NYAP2: variants seen among roughly 807,000 people sequenced by gnomAD.
NYAP2 encodes the protein neuronal tyrosine-phosphorylated phosphoinositide-3-kinase adaptor 2.
In NYAP2, 23 loss-of-function variants were observed where a neutral mutation model predicts 50.4. The observed-to-expected ratio is 0.46, with a 90% CI of 0.33 to 0.65. The LOEUF (loss-of-function observed/expected upper bound fraction) is 0.65, where lower values mean the gene tolerates loss of function less well. Ranked by LOEUF, NYAP2 falls within the 30% of genes least tolerant of loss-of-function variation. The pLI, the probability that NYAP2 is intolerant of heterozygous loss-of-function variation, is 0.02. For synonymous variants in NYAP2, 394 were observed against 365.2 expected (o/e 1.08, Z -0.90); for missense variants, 885 against 861.0 (o/e 1.03, Z -0.35).
chr2:225,661,660 A>G, the NYAP2 span, among the ~76,000 whole-genome samples: 3,392 of 152,002 alleles, frequency 0.022, 140 homozygotes, highest in African/African-American at 0.077. Flanking sequence ...AGGTAGTTCT[A>G]TCTATCAAAC....
chr2:225,401,294 A>G (rs1694857733), intron 2 of NYAP2, among the ~76,000 whole-genome samples: 2 of 152,098 alleles, frequency 1.3e-5, no homozygotes, highest in South Asian at 2.1e-4. Flanking sequence ...CTAGATTTTC[A>G]TTAGTAAAAT....
At chr2:225,695,329 G>A in the NYAP2 span, among the ~76,000 whole-genome samples, 3 of 151,788 alleles carry the variant, frequency 2.0e-5, no homozygotes, top group African/African-American at 7.2e-5. Context: ...CTTAATGTTT[G>A]TGTAGACAAC....
At chr2:225,441,947 CG>C (rs1442757653) in intron 3 of NYAP2, among the ~76,000 whole-genome samples, 1 of 152,172 alleles carries the variant, frequency 6.6e-6, no homozygotes, top group Non-Finnish European at 1.5e-5. Context: ...AGTAAACAGT[CG>C]TCACTCCATA....
exon 4 of NYAP2, chr2:225,513,600 C>A: frequency 6.3e-7 from 1 of 1,578,566 alleles, no homozygotes; most frequent in Non-Finnish European, 8.6e-7. Flanking sequence ...CAGCACCAAG[C>A]TGAGCACCTC....
chr2:225,613,903 G>A (rs1039746921), intron 5 of NYAP2, among the ~76,000 whole-genome samples: 5 of 152,072 alleles, frequency 3.3e-5, no homozygotes, highest in Non-Finnish European at 7.4e-5. Context: ...TAAAAAGAAC[G>A]TAGACACTCT....
At chr2:225,626,766 T>C (rs1693216532) in intron 5 of NYAP2, 151 bp from the exon 6 acceptor site, 2 of 639,308 alleles carry the variant, frequency 3.1e-6, no homozygotes, top group East Asian at 2.7e-5. Context: ...CTGGAGTCTA[T>C]GTTTCTGTTA....
intron 5 of NYAP2, among the ~76,000 whole-genome samples, chr2:225,597,015 A>G (rs1692611423): frequency 6.6e-6 from 1 of 152,194 alleles, no homozygotes. Flanking sequence ...AGCTTAAAAA[A>G]CAACCTCCTT....
chr2:225,651,471 C>T lies in NYAP2; in HGVS notation c.1868C>T (p.Thr623Met), dbSNP rs568027472. ...TGCAAATTAGGCCGGTCTGCGTCGA[C>T]GTCAGGTGTGCCTCCTCCATCAGTC... Residue 623 changes from threonine to methionine, a missense_variant, in exon 7 of 7, where the codon ACG becomes ATG. Thr to Met is a moderately conservative substitution (Grantham distance 81, BLOSUM62 -1). Coordinates refer to ENST00000636099, the Ensembl canonical transcript of NYAP2. 35 of 1,613,992 alleles carry T rather than the reference C, an allele frequency of 2.2e-5. No individual in the cohort carries two copies. The highest frequency in any genetic ancestry group is 4.0e-5 in the African/African-American group (3 of 75,048).
the NYAP2 span, among the ~76,000 whole-genome samples, chr2:225,684,110 G>A: frequency 6.6e-6 from 1 of 152,168 alleles, no homozygotes; most frequent in Non-Finnish European, 1.5e-5. Flanking sequence ...CAGATTAAAA[G>A]GAGATTTTAT....
chr2:225,537,874 G>C (rs1422706862), intron 4 of NYAP2, among the ~76,000 whole-genome samples: 1 of 152,120 alleles, frequency 6.6e-6, no homozygotes, highest in African/African-American at 2.4e-5. Flanking sequence ...GATACAATGG[G>C]GATACAGGCA....
intron 5 of NYAP2, among the ~76,000 whole-genome samples, chr2:225,598,286 GAT>G (rs1692639686): frequency 1.3e-5 from 2 of 152,048 alleles, no homozygotes; most frequent in Admixed American, 6.6e-5. Context: ...CTGGGTTGTT[GAT>G]ATATTTTTCA....
chr2:225,689,388 A>G, the NYAP2 span, among the ~76,000 whole-genome samples: 258 of 152,328 alleles, frequency 1.7e-3, no homozygotes, highest in African/African-American at 6.0e-3. Flanking sequence ...ATACATAAAA[A>G]TAAATAGTAT....
chr2:225,467,793 A>T (rs1689944858), intron 3 of NYAP2, among the ~76,000 whole-genome samples: 1 of 152,236 alleles, frequency 6.6e-6, no homozygotes, highest in African/African-American at 2.4e-5. Context: ...CACCACACTT[A>T]CAAAAATAAC....
the NYAP2 span, among the ~76,000 whole-genome samples, chr2:225,674,352 G>A: frequency 6.6e-6 from 1 of 152,066 alleles, no homozygotes; most frequent in African/African-American, 2.4e-5. Flanking sequence ...CAAAATAGCT[G>A]AGGGTTTATT....
intron 2 of NYAP2, among the ~76,000 whole-genome samples, chr2:225,405,742 C>T (rs1032449542): frequency 1.3e-5 from 2 of 151,846 alleles, no homozygotes; most frequent in African/African-American, 4.8e-5. Context: ...GGATGAGTTT[C>T]GTGGTCCATA....
intron 2 of NYAP2, among the ~76,000 whole-genome samples, chr2:225,405,313 G>C (rs150398758): frequency 6.6e-6 from 1 of 151,946 alleles, no homozygotes; most frequent in Admixed American, 6.6e-5. Context: ...ATGCTACCTG[G>C]AGGAGAGGGG....
chr2:225,489,203 TA>T (rs1369451378), intron 3 of NYAP2, among the ~76,000 whole-genome samples: 213 of 152,216 alleles, frequency 1.4e-3, no homozygotes, highest in African/African-American at 4.6e-3. Flanking sequence ...TTTATTTATT[TA>T]TTTTTTTTAA....
chr2:225,678,359 G>T, the NYAP2 span, among the ~76,000 whole-genome samples: 2 of 151,980 alleles, frequency 1.3e-5, no homozygotes, highest in African/African-American at 4.8e-5. Flanking sequence ...TTCTTTTGAA[G>T]AACTAACTTT....
intron 5 of NYAP2, among the ~76,000 whole-genome samples, chr2:225,605,832 C>A (rs1033553461): frequency 2.6e-5 from 4 of 152,046 alleles, no homozygotes; most frequent in African/African-American, 9.6e-5. Context: ...TCTCTTGGGG[C>A]AAACAGGACA....
Sources: gnomAD v4.1 joint callset for allele counts (sites outside exome capture counted in the v4.1 genomes callset) on GRCh38, gnomAD v4.1.1 for gene constraint, MANE v1.5 for transcripts, NCBI Gene and HGNC (gene_info 2026-07-23, HGNC 2026-07-21) for gene names.